Variants in GLIS3 observed in about 807,000 individuals in gnomAD.
The protein encoded by GLIS3 is zinc finger protein GLIS3.
GLIS3 carries 53 observed loss-of-function variants against 78.6 expected under a neutral mutation model. The observed-to-expected ratio is 0.67, with a 90% CI of 0.54 to 0.85. The LOEUF is 0.85. Among genes scored for constraint, GLIS3 ranks in the 40% least tolerant of loss-of-function variants. GLIS3 has a pLI of 0.00. For missense variants in GLIS3, 1,703 were observed against 1,231.1 expected (o/e 1.38, Z -5.74); for synonymous variants, 684 against 509.9 (o/e 1.34, Z -4.60).
At chr9:4,424,748 A>G in the GLIS3 span, among the ~76,000 whole-genome samples, 1 of 151,760 alleles carries the variant, frequency 6.6e-6, no homozygotes, top group African/African-American at 2.4e-5. Flanking sequence ...TATTTTATTC[A>G]TTGTAGAGAC....
chr9:4,489,441 C>CA, the GLIS3 span, among the ~76,000 whole-genome samples: 2 of 151,960 alleles, frequency 1.3e-5, no homozygotes, highest in Admixed American at 1.3e-4. Flanking sequence ...TCTACAATAG[C>CA]AAAAAGGGTT....
At chr9:3,978,621 T>C (rs887646425) in intron 4 of GLIS3, among the ~76,000 whole-genome samples, 3 of 152,000 alleles carry the variant, frequency 2.0e-5, no homozygotes, top group African/African-American at 7.2e-5. Flanking sequence ...GTTATGTGTA[T>C]ATGTGTGTAT....
the GLIS3 span, among the ~76,000 whole-genome samples, chr9:4,414,388 A>G: frequency 6.6e-6 from 1 of 152,178 alleles, no homozygotes; most frequent in Admixed American, 6.5e-5. Context: ...TTAAACTTCA[A>G]ATCCTAGGCC....
At chr9:3,858,902 T>C (rs1483362086) in intron 8 of GLIS3, among the ~76,000 whole-genome samples, 1 of 152,228 alleles carries the variant, frequency 6.6e-6, no homozygotes, top group East Asian at 1.9e-4. Flanking sequence ...ATTTTGTTAC[T>C]GTGTAAAAAC....
the GLIS3 span, among the ~76,000 whole-genome samples, chr9:4,452,121 AC>A: frequency 1.3e-5 from 2 of 152,028 alleles, no homozygotes; most frequent in African/African-American, 4.8e-5. Flanking sequence ...AAAATTCAAC[AC>A]CCCTTCATGC....
At chr9:4,275,484 G>A (rs1826897623) in intron 2 of GLIS3, among the ~76,000 whole-genome samples, 2 of 152,082 alleles carry the variant, frequency 1.3e-5, no homozygotes, top group African/African-American at 2.4e-5. Flanking sequence ...ATTGGGCAGA[G>A]CATGGTGGCT....
intron 4 of GLIS3, among the ~76,000 whole-genome samples, chr9:4,053,306 C>T (rs1218946540): frequency 6.6e-6 from 1 of 152,112 alleles, no homozygotes; most frequent in Non-Finnish European, 1.5e-5. Context: ...TGGGATCAAG[C>T]AATAGCTTCT....
At chr9:4,113,348 T>G (rs1831382676) in intron 4 of GLIS3, among the ~76,000 whole-genome samples, 3 of 152,156 alleles carry the variant, frequency 2.0e-5, no homozygotes, top group African/African-American at 7.2e-5. Flanking sequence ...TTCTCTAGGG[T>G]AGGCACCTAG....
At chr9:4,173,076 G>C (rs1159661791) in intron 2 of GLIS3, among the ~76,000 whole-genome samples, 1 of 152,142 alleles carries the variant, frequency 6.6e-6, no homozygotes. Flanking sequence ...TCCACCCGTG[G>C]AGTTGGAACC....
At chr9:4,166,223 A>T (rs1835881979) in intron 2 of GLIS3, among the ~76,000 whole-genome samples, 1 of 152,178 alleles carries the variant, frequency 6.6e-6, no homozygotes, top group African/African-American at 2.4e-5. Flanking sequence ...TATAATCAAT[A>T]CGTTTATTAA....
At chr9:4,260,477 G>C (rs1031088206) in intron 2 of GLIS3, among the ~76,000 whole-genome samples, 3 of 151,190 alleles carry the variant, frequency 2.0e-5, no homozygotes, top group African/African-American at 7.3e-5. Context: ...TGAGGCAGGA[G>C]AATTGCTTGA....
chr9:4,397,024 C>CTTTT, the GLIS3 span, among the ~76,000 whole-genome samples: 19 of 121,188 alleles, frequency 1.6e-4, no homozygotes, highest in Non-Finnish European at 2.3e-4. Flanking sequence ...TTCTTTTTTT[C>CTTTT]TTTTTTTTTT....
chr9:4,420,112 G>T, the GLIS3 span, among the ~76,000 whole-genome samples: 1 of 152,130 alleles, frequency 6.6e-6, no homozygotes, highest in African/African-American at 2.4e-5. Context: ...AGGGGTCCAG[G>T]CATGTGTGGT....
intron 2 of GLIS3, among the ~76,000 whole-genome samples, chr9:4,196,732 A>G (rs1376408880): frequency 1.3e-5 from 2 of 152,060 alleles, no homozygotes; most frequent in South Asian, 2.1e-4. Context: ...GAACTGTAAC[A>G]CTCACCGTGA....
chr9:4,460,660 A>T, the GLIS3 span, among the ~76,000 whole-genome samples: 3 of 152,140 alleles, frequency 2.0e-5, no homozygotes, highest in African/African-American at 7.2e-5. Context: ...TTAAAACAGT[A>T]GTAATGTAAG....
rs187038476 is a variant in GLIS3, at chr9:3,825,646, T to G, written c.*2626A>C. 6.6e-6 allele frequency: 1 copy of G among 152,274 alleles called. No homozygotes were observed. Among genetic ancestry groups the G allele is most frequent in the Non-Finnish European group, 1.5e-5 (1 of 68,018 alleles). 9.4% of individuals were successfully genotyped at this position (152,274 alleles called of 1,614,324 possible). On this transcript the variant is annotated 3_prime_UTR_variant, in exon 11 of 11. Transcript: ENST00000381971. ...ACTGCTGCAAAAATAATGATGAATA[T>G]ATATATAAATCTTCTGCAGTGTGAA...
intron 8 of GLIS3, among the ~76,000 whole-genome samples, chr9:3,875,171 T>TAAAGTACC (rs1821232944): frequency 6.6e-6 from 1 of 152,228 alleles, no homozygotes; most frequent in Admixed American, 6.5e-5. Context: ...GCCACTGTCA[T>TAAAGTACC]AAAGTACCAC....
At chr9:4,253,597 C>A (rs1477373789) in intron 2 of GLIS3, among the ~76,000 whole-genome samples, 1 of 152,164 alleles carries the variant, frequency 6.6e-6, no homozygotes, top group Non-Finnish European at 1.5e-5. Context: ...GGCTTCAGCC[C>A]CCTTTCCAGG....
chr9:4,408,552 T>C, the GLIS3 span, among the ~76,000 whole-genome samples: 104 of 150,710 alleles, frequency 6.9e-4, no homozygotes, highest in Non-Finnish European at 1.2e-3. Flanking sequence ...CACGGTGAAA[T>C]CCCGTCTGTA....
Sources: gnomAD v4.1 joint callset for allele counts (sites outside exome capture counted in the v4.1 genomes callset) on GRCh38, gnomAD v4.1.1 for gene constraint, MANE v1.5 for transcripts, NCBI Gene and HGNC (gene_info 2026-07-23, HGNC 2026-07-21) for gene names.